The following ZNF215 variants were observed in gnomAD, a reference collection of about 807,000 sequenced individuals.
ZNF215 encodes the protein BWSCR2-associated zinc finger protein 2.
ZNF215 carries 24 observed loss-of-function variants against 27.2 expected under a neutral mutation model. The observed-to-expected ratio is 0.88, with a 90% confidence interval of 0.64 to 1.24. ZNF215 has a LOEUF of 1.24. Among genes scored for constraint, ZNF215 ranks in the 50% most tolerant of loss-of-function variants. The probability of loss-of-function intolerance (pLI) is 0.00; values close to 1 mark genes in which losing one functional copy is unlikely to be tolerated. For missense variants in ZNF215, 675 were observed against 605.7 expected (o/e 1.11, Z -1.20); for synonymous variants, 210 against 204.0 (o/e 1.03, Z -0.25).
chr11:6,967,108 G>T (rs1050551981), intron 5 of ZNF215, among the ~76,000 whole-genome samples: 1 of 151,998 alleles, frequency 6.6e-6, no homozygotes, highest in Admixed American at 6.6e-5. Flanking sequence ...ATGGTTTTCA[G>T]CTTCATCCAT....
intron 3 of ZNF215, among the ~76,000 whole-genome samples, chr11:6,941,262 T>A (rs1222954982): frequency 6.6e-6 from 1 of 152,232 alleles, no homozygotes; most frequent in Admixed American, 6.5e-5. Context: ...GCTTTAGTTA[T>A]GACAGAATTA....
intron 6 of ZNF215, among the ~76,000 whole-genome samples, chr11:6,946,158 A>C (rs1451228623): frequency 1.3e-5 from 2 of 152,076 alleles, no homozygotes; most frequent in African/African-American, 2.4e-5. Flanking sequence ...CTGCTTTGCT[A>C]GTCTAGGTAC....
At chr11:6,982,348 C>T (rs1478449989) in intron 5 of ZNF215, among the ~76,000 whole-genome samples, 2 of 152,076 alleles carry the variant, frequency 1.3e-5, no homozygotes, top group South Asian at 2.1e-4. Context: ...GACAGATCAA[C>T]GAGACAGAAA....
chr11:6,938,505 C>T (rs77562711), intron 3 of ZNF215, among the ~76,000 whole-genome samples: 4,078 of 151,934 alleles, frequency 0.027, 176 homozygotes, highest in African/African-American at 0.093. Flanking sequence ...GTGGAAACAA[C>T]CCAGATGTCC....
At chr11:6,939,587 A>G (rs2133200067) in intron 3 of ZNF215, among the ~76,000 whole-genome samples, 1 of 152,300 alleles carries the variant, frequency 6.6e-6, no homozygotes, top group South Asian at 2.1e-4. Flanking sequence ...TAGAGGATAG[A>G]AAAAGGTGCC....
chr11:6,981,115 G>A (rs1590088377), intron 5 of ZNF215, among the ~76,000 whole-genome samples: 1 of 151,272 alleles, frequency 6.6e-6, no homozygotes, highest in Admixed American at 6.6e-5. Context: ...AGTCCTTTGG[G>A]TATATACCCA....
chr11:6,951,410 A>C (rs916062342), intron 6 of ZNF215, among the ~76,000 whole-genome samples: 14 of 152,060 alleles, frequency 9.2e-5, no homozygotes, highest in Admixed American at 2.6e-4. Context: ...ATAATTTCAG[A>C]GCCTGTTATT....
At chr11:6,968,923 TAATAAAACAAGGCTTG>T (rs762941193) in intron 5 of ZNF215, among the ~76,000 whole-genome samples, 28 of 152,288 alleles carry the variant, frequency 1.8e-4, no homozygotes, top group African/African-American at 6.3e-4. Flanking sequence ...GTAAATGTTT[TAATAAAACAAGGCTTG>T]AATAAAACAA....
chr11:6,949,892 C>G (rs1374370950), intron 6 of ZNF215, among the ~76,000 whole-genome samples: 1 of 152,090 alleles, frequency 6.6e-6, no homozygotes, highest in Non-Finnish European at 1.5e-5. Flanking sequence ...TTTAATCCAT[C>G]TTGAATTAAT....
In ZNF215 at chr11:6,943,091, G is replaced by A; in HGVS notation, c.492G>A (p.Val164=). The change falls in exon 5 of 7, where the codon GTG becomes GTA. Residue 164 remains valine (V), a synonymous_variant. Coordinates refer to ENST00000278319, the MANE Select transcript of ZNF215 (RefSeq NM_013250.4). The stretch of plus-strand genomic sequence containing the variant: ...GGAACTTAATGTTTTAGGAACCAGT[G>A]ACATTCAAAGATGTGGTTGTGGAAT... ...GSRTGKPQEP[V]TFKDVVVEFS... is the part of the protein sequence containing the mutation. 1 of 1,612,262 alleles carries A rather than the reference G, an allele frequency of 6.2e-7. No individual in the cohort carries two copies. Among genetic ancestry groups the A allele is most frequent in the Non-Finnish European group, 8.5e-7 (1 of 1,179,530 alleles).
In ZNF215 at chr11:6,956,921, A is replaced by C; in HGVS notation, c.*390A>C. 1 of 994,284 alleles carries C rather than the reference A, an allele frequency of 1.0e-6. No homozygotes were observed. The highest frequency in any genetic ancestry group is 1.2e-6 in the Non-Finnish European group (1 of 835,326). 61.6% of individuals were successfully genotyped at this position (994,284 alleles called of 1,614,324 possible). On this transcript the variant is annotated 3_prime_UTR_variant, in exon 7 of 7. Transcript: ENST00000278319. ...AACAATACTCTTGGAGTTGATATTTAATAAAACTCAGCCCTTTTAAGAAGG... is the reference window on the plus strand; with the variant it reads ...AACAATACTCTTGGAGTTGATATTTCATAAAACTCAGCCCTTTTAAGAAGG...
At chr11:6,972,102 T>C (rs60448116) in intron 5 of ZNF215, among the ~76,000 whole-genome samples, 3,579 of 152,214 alleles carry the variant, frequency 0.024, 120 homozygotes, top group African/African-American at 0.08. Flanking sequence ...TGCCTACTAT[T>C]ATCTGGGAAA....
At chr11:6,963,376 T>C (rs912538452) in intron 5 of ZNF215, among the ~76,000 whole-genome samples, 20 of 152,120 alleles carry the variant, frequency 1.3e-4, no homozygotes, top group African/African-American at 4.8e-4. Context: ...AAACATGTTA[T>C]TGCATGTTAT....
intron 6 of ZNF215, among the ~76,000 whole-genome samples, chr11:6,952,986 A>G (rs1850141757): frequency 6.6e-6 from 1 of 152,154 alleles, no homozygotes; most frequent in Admixed American, 6.5e-5. Flanking sequence ...TTTCTCCTTC[A>G]CGTATGAAGC....
intron 4 of ZNF215, 82 bp from the exon 5 acceptor site, chr11:6,943,001 C>T (rs1211110280): frequency 1.3e-6 from 2 of 1,547,118 alleles, no homozygotes; most frequent in Admixed American, 1.9e-5. Flanking sequence ...CTGGCTCCTA[C>T]CCTATTCCTT....
intron 6 of ZNF215, among the ~76,000 whole-genome samples, chr11:6,953,263 T>A (rs1850158853): frequency 6.6e-6 from 1 of 152,214 alleles, no homozygotes; most frequent in East Asian, 1.9e-4. Context: ...CTGTATTTCC[T>A]GAATCTGAAT....
chr11:6,982,085 G>A (rs7935516), intron 5 of ZNF215, among the ~76,000 whole-genome samples: 52 of 151,768 alleles, frequency 3.4e-4, no homozygotes, highest in African/African-American at 5.8e-4. Flanking sequence ...TTGACTTGGC[G>A]ATGTGGGCTC....
rs1850333994 is a variant in ZNF215, at chr11:6,956,108, T to C, written c.1131T>C (p.Asn377=). The C allele has an allele frequency of 1.2e-6, 2 of 1,613,406 alleles. No individual in the cohort carries two copies. The highest frequency in any genetic ancestry group is 2.7e-5 in the African/African-American group (2 of 74,908). The change falls in exon 7 of 7, where the codon AAT becomes AAC. Residue 377 remains asparagine (N), a synonymous_variant. Coordinates refer to ENST00000278319, the MANE Select transcript of ZNF215 (RefSeq NM_013250.4). ...IRHQKSHTTM[N]SYECYQCGKA... ...ACCAAAAAAGTCATACTACAATGAA[T>C]TCCTATGAATGTTATCAATGTGGGA...
intron 5 of ZNF215, among the ~76,000 whole-genome samples, chr11:6,981,929 C>T (rs1261138797): frequency 9.2e-5 from 14 of 152,062 alleles, no homozygotes; most frequent in Admixed American, 9.2e-4. Flanking sequence ...AGATATGCGG[C>T]ATTATTTCTG....
Sources: allele counts gnomAD v4.1 joint callset (sites outside exome capture counted in the v4.1 genomes callset), GRCh38; gene constraint gnomAD v4.1.1; transcripts MANE v1.5; gene names NCBI Gene and HGNC (gene_info 2026-07-23, HGNC 2026-07-21).